Variants in CWC27 observed in about 807,000 individuals in gnomAD.
CWC27 encodes spliceosome-associated protein CWC27 homolog.
In CWC27, 47 loss-of-function variants were observed where a neutral mutation model predicts 63.6. The ratio of observed to expected loss-of-function variants is 0.74; its 90% CI spans 0.58 to 0.94. The LOEUF (loss-of-function observed/expected upper bound fraction) is 0.94, where lower values mean the gene tolerates loss of function less well. Ranked by LOEUF, CWC27 falls within the 40% of genes least tolerant of loss-of-function variation. The probability of loss-of-function intolerance (pLI) is 0.00; values close to 1 mark genes in which losing one functional copy is unlikely to be tolerated. For synonymous variants in CWC27, 175 were observed against 179.8 expected (o/e 0.97, Z 0.22); for missense variants, 495 against 554.3 (o/e 0.89, Z 1.07).
At chr5:64,997,552 T>C (rs545626919) in intron 13 of CWC27, among the ~76,000 whole-genome samples, 5 of 152,270 alleles carry the variant, frequency 3.3e-5, no homozygotes, top group South Asian at 4.1e-4. Context: ...TTGACTGTTT[T>C]ATGACCTTTT....
In CWC27 at chr5:64,883,332, C is replaced by T. The variant is rs77015562; in HGVS notation, c.939-2111C>T. Among the ~76,000 whole-genome samples the T allele has an allele frequency of 2.5e-4, 37 of 149,418 alleles. No individual in the cohort carries two copies. The South Asian group carries it at 4.1e-3, about 16-fold the overall frequency. ...AGTATTAAATTTCTGAGTTAATCTA[C>T]GCAGAAATTTGTAGAAGATAGGTAC... is the stretch of plus-strand genomic sequence containing the variant. On this transcript the variant is annotated intron_variant, in intron 10 of 13. Transcript: ENST00000381070.
In CWC27 at chr5:64,810,181, C is replaced by G. The variant is rs72756883; in HGVS notation, c.938+5795C>G. Among the ~76,000 whole-genome samples, 1,443 of 152,132 alleles carry G rather than the reference C, an allele frequency of 9.5e-3. 10 individuals are homozygous for G. Among genetic ancestry groups the G allele is most frequent in the South Asian group, 0.019 (90 of 4,814 alleles). On this transcript the variant is annotated intron_variant, in intron 10 of 13. Transcript: ENST00000381070. ...TTTATATATTGTGTGTTCTTGACAC[C>G]TTTGTTGAAAATCAATTGACTGTAA...
chr5:64,920,589 G>C (rs1467992902), intron 11 of CWC27, among the ~76,000 whole-genome samples: 1 of 152,152 alleles, frequency 6.6e-6, no homozygotes, highest in African/African-American at 2.4e-5. Flanking sequence ...CTAGACCAGG[G>C]ATTTTTTGGT....
chr5:64,858,186 G>A (rs1746306180), intron 10 of CWC27, among the ~76,000 whole-genome samples: 2 of 143,468 alleles, frequency 1.4e-5, no homozygotes, highest in Non-Finnish European at 1.5e-5. Context: ...CCGGCCGGGC[G>A]TGGTGGCTCA....
chr5:64,982,914 A>G (rs1480404282), intron 13 of CWC27, among the ~76,000 whole-genome samples: 2 of 152,210 alleles, frequency 1.3e-5, no homozygotes, highest in Admixed American at 1.3e-4. Flanking sequence ...CTCCTGTCAC[A>G]TCAACGGCGG....
chr5:64,784,631 T>C (rs535734808), intron 4 of CWC27, among the ~76,000 whole-genome samples: 60 of 152,254 alleles, frequency 3.9e-4, no homozygotes, highest in African/African-American at 1.4e-3. Context: ...GGTTTCCCCA[T>C]ATACTGGGCA....
Position 64,782,683 on chromosome 5 carries a change from A to G in CWC27, c.252+650A>G, listed in dbSNP as rs184741463. Reference sequence around the variant, plus strand: ...AATGAGTAAATATTGGTATCTCTTAAAATATGGGAGTTTTTGAAAAATTCG... The same window carrying G: ...AATGAGTAAATATTGGTATCTCTTAGAATATGGGAGTTTTTGAAAAATTCG... On this transcript the variant is annotated intron_variant, in intron 3 of 13. Transcript: ENST00000381070. Among the ~76,000 whole-genome samples, 151 of 152,232 alleles carry G rather than the reference A, an allele frequency of 9.9e-4. 1 individual carries two copies. Among genetic ancestry groups the G allele is most frequent in the African/African-American group, 3.5e-3 (145 of 41,556 alleles).
intron 11 of CWC27, among the ~76,000 whole-genome samples, chr5:64,901,131 A>G (rs1244101425): frequency 2.6e-5 from 4 of 152,192 alleles, no homozygotes; most frequent in Non-Finnish European, 5.9e-5. Context: ...TTCCTAGGCT[A>G]TAATCCTGTA....
Position 64,837,056 on chromosome 5 carries a change from C to T in CWC27, c.938+32670C>T, listed in dbSNP as rs187307659. On this transcript the variant is annotated intron_variant, in intron 10 of 13. Coordinates refer to ENST00000381070, the MANE Select transcript of CWC27 (RefSeq NM_005869.4). ...CCACCAAATGTTACAAACAAATACT[C>T]ATGTCTGCAGTAAGACATTTGTGGG... Among the ~76,000 whole-genome samples the T allele has an allele frequency of 1.7e-4, 26 of 152,210 alleles. 1 individual carries two copies. The East Asian group carries it at 5.0e-3, about 29-fold the overall frequency.
At chr5:64,781,387 A>T (rs1251873394) in intron 2 of CWC27, among the ~76,000 whole-genome samples, 6 of 152,178 alleles carry the variant, frequency 3.9e-5, no homozygotes, top group Non-Finnish European at 5.9e-5. Flanking sequence ...TGTGTTAATA[A>T]ATTAATTTCC....
At chr5:64,898,901 G>A (rs1383051832) in intron 11 of CWC27, among the ~76,000 whole-genome samples, 1 of 152,108 alleles carries the variant, frequency 6.6e-6, no homozygotes, top group Non-Finnish European at 1.5e-5. Flanking sequence ...GAAGAGGAAA[G>A]AGCAAGTACC....
chr5:65,004,116 A>T (rs1749783881), intron 13 of CWC27, among the ~76,000 whole-genome samples: 1 of 152,116 alleles, frequency 6.6e-6, no homozygotes, highest in Admixed American at 6.5e-5. Flanking sequence ...AAGTGCCGGG[A>T]TTTCAGGCAT....
chr5:64,828,603 A>G (rs1343678368), intron 10 of CWC27, among the ~76,000 whole-genome samples: 1 of 152,024 alleles, frequency 6.6e-6, no homozygotes, highest in East Asian at 1.9e-4. Context: ...AGTAGGATTA[A>G]TGCCCTTATA....
At chr5:64,899,381 A>G (rs1056935540) in intron 11 of CWC27, among the ~76,000 whole-genome samples, 1 of 152,374 alleles carries the variant, frequency 6.6e-6, no homozygotes, top group East Asian at 1.9e-4. Flanking sequence ...TGGGCAAAAT[A>G]ATAAGCATTC....
At chr5:65,004,401 T>TTG (rs1554030511) in intron 13 of CWC27, among the ~76,000 whole-genome samples, 4 of 112,356 alleles carry the variant, frequency 3.6e-5, no homozygotes, top group African/African-American at 7.2e-5. Context: ...TTTTTTTTGG[T>TTG]GGGGGGGTGG....
At chr5:64,967,266 CA>C (rs1383458848) in intron 11 of CWC27, among the ~76,000 whole-genome samples, 2 of 151,926 alleles carry the variant, frequency 1.3e-5, no homozygotes, top group Non-Finnish European at 2.9e-5. Context: ...TGGTTGGAAC[CA>C]AAAGGATGTA....
At chr5:64,880,148 T>C (rs901942504) in intron 10 of CWC27, among the ~76,000 whole-genome samples, 2 of 152,028 alleles carry the variant, frequency 1.3e-5, no homozygotes, top group Non-Finnish European at 2.9e-5. Flanking sequence ...TTTTCTTCAC[T>C]GAATTTCAAA....
chr5:64,814,126 T>C (rs1275609025), intron 10 of CWC27, among the ~76,000 whole-genome samples: 1 of 151,920 alleles, frequency 6.6e-6, no homozygotes, highest in Non-Finnish European at 1.5e-5. Context: ...TTAGGGTATT[T>C]TATGTGTGCC....
At chr5:64,856,918 G>A (rs1227731790) in intron 10 of CWC27, among the ~76,000 whole-genome samples, 1 of 152,122 alleles carries the variant, frequency 6.6e-6, no homozygotes, top group African/African-American at 2.4e-5. Context: ...GCTAGCTTAT[G>A]TAATTAACCC....
Sources: allele counts gnomAD v4.1 joint callset (sites outside exome capture counted in the v4.1 genomes callset), GRCh38; gene constraint gnomAD v4.1.1; transcripts MANE v1.5; gene names NCBI Gene and HGNC (gene_info 2026-07-23, HGNC 2026-07-21).